RGS7: variants seen among roughly 807,000 people sequenced by gnomAD.
RGS7 encodes regulator of G protein signaling 7.
A neutral mutation model predicts 81.1 loss-of-function variants in RGS7; 27 were observed. The ratio of observed to expected loss-of-function variants is 0.33; its 90% CI spans 0.25 to 0.46. RGS7 has a LOEUF of 0.46. Ranked by LOEUF, RGS7 falls within the 20% of genes least tolerant of loss-of-function variation. The pLI is 1.00. For synonymous variants in RGS7, 208 were observed against 207.7 expected (o/e 1.00, Z -0.01); for missense variants, 396 against 607.4 (o/e 0.65, Z 3.66).
chr1:241,293,307 C>T (rs144680963), intron 2 of RGS7, among the ~76,000 whole-genome samples: 32 of 152,198 alleles, frequency 2.1e-4, no homozygotes, highest in Admixed American at 1.6e-3. Context: ...GACTATGTTA[C>T]TGGTTTATGT....
intron 5 of RGS7, among the ~76,000 whole-genome samples, chr1:240,933,409 C>A (rs1310218095): frequency 1.3e-5 from 2 of 151,990 alleles, no homozygotes; most frequent in East Asian, 3.8e-4. Flanking sequence ...CCATCATTTA[C>A]TTTAGTGAGA....
intron 2 of RGS7, among the ~76,000 whole-genome samples, chr1:241,340,318 T>G (rs1449162466): frequency 6.6e-6 from 1 of 152,178 alleles, no homozygotes; most frequent in Non-Finnish European, 1.5e-5. Context: ...TACATCTCTC[T>G]TCTTACCCTC....
At chr1:241,017,573 CCAGA>C (rs1309160572) in intron 3 of RGS7, among the ~76,000 whole-genome samples, 1 of 148,988 alleles carries the variant, frequency 6.7e-6, no homozygotes, top group Non-Finnish European at 1.5e-5. Context: ...AACATGTTAG[CCAGA>C]CATAGAATTA....
intron 9 of RGS7, among the ~76,000 whole-genome samples, chr1:240,853,887 C>A (rs1438244624): frequency 2.1e-5 from 2 of 94,254 alleles, no homozygotes; most frequent in African/African-American, 8.5e-5. Context: ...GGCGACAGAG[C>A]AAGACTCCGT....
chr1:241,023,807 G>A (rs763939685), intron 3 of RGS7, among the ~76,000 whole-genome samples: 19 of 152,146 alleles, frequency 1.2e-4, no homozygotes, highest in Admixed American at 2.6e-4. Context: ...GTGCAATGGC[G>A]CGATCTTGGC....
chr1:240,885,251 ACAGATGCTGGCGAGGTTG>A (rs1321849206), intron 6 of RGS7, among the ~76,000 whole-genome samples: 1 of 152,100 alleles, frequency 6.6e-6, no homozygotes, highest in Admixed American at 6.5e-5. Context: ...TCAAAAAACA[ACAGATGCTGGCGAGGTTG>A]CAGAGAAAAG....
intron 2 of RGS7, among the ~76,000 whole-genome samples, chr1:241,320,238 G>T (rs1158668717): frequency 6.6e-6 from 1 of 152,124 alleles, no homozygotes; most frequent in Non-Finnish European, 1.5e-5. Context: ...TGATATATTA[G>T]GCCCCTTGCT....
chr1:241,289,801 G>T (rs887880183), intron 2 of RGS7, among the ~76,000 whole-genome samples: 2 of 152,108 alleles, frequency 1.3e-5, no homozygotes, highest in South Asian at 4.1e-4. Context: ...GTGGGAAGTG[G>T]TACGAGGGAA....
chr1:240,965,004 C>A (rs1473545182), intron 4 of RGS7, among the ~76,000 whole-genome samples: 2 of 152,118 alleles, frequency 1.3e-5, no homozygotes, highest in Non-Finnish European at 1.5e-5. Flanking sequence ...TTATCAGATA[C>A]GTTGATGGTG....
chr1:240,796,473 G>A (rs894232807), intron 18 of RGS7, among the ~76,000 whole-genome samples: 3 of 152,066 alleles, frequency 2.0e-5, no homozygotes, highest in African/African-American at 7.2e-5. Flanking sequence ...ATCACTTGAG[G>A]TCAGGAGTCC....
chr1:240,932,949 T>TA (rs1487749551), intron 5 of RGS7, among the ~76,000 whole-genome samples: 4 of 134,978 alleles, frequency 3.0e-5, no homozygotes, highest in African/African-American at 1.1e-4. Context: ...AGTGGCGCGA[T>TA]CTCGGCTCAC....
intron 2 of RGS7, among the ~76,000 whole-genome samples, chr1:241,141,072 C>T (rs922665699): frequency 6.6e-6 from 1 of 152,178 alleles, no homozygotes; most frequent in Admixed American, 6.5e-5. Flanking sequence ...ATCTGAGCAG[C>T]TCTCCCTAAC....
At chr1:241,301,512 T>C (rs1000791554) in intron 2 of RGS7, among the ~76,000 whole-genome samples, 1 of 152,206 alleles carries the variant, frequency 6.6e-6, no homozygotes, top group African/African-American at 2.4e-5. Flanking sequence ...GAGGTCAAGA[T>C]GAACTGGTAG....
At chr1:241,281,962 T>A (rs1299626236) in intron 2 of RGS7, among the ~76,000 whole-genome samples, 1 of 152,190 alleles carries the variant, frequency 6.6e-6, no homozygotes, top group African/African-American at 2.4e-5. Context: ...CTATTAGTAG[T>A]TAAGTTTTGT....
At chr1:241,192,252 C>CATGTGTGTGTGTGTGTGT (rs1491204174) in intron 2 of RGS7, among the ~76,000 whole-genome samples, 2 of 124,676 alleles carry the variant, frequency 1.6e-5, no homozygotes, top group African/African-American at 6.4e-5. Flanking sequence ...TCTGTCTGCA[C>CATGTGTGTGTGTGTGTGT]GTGTGTGTGT....
intron 2 of RGS7, among the ~76,000 whole-genome samples, chr1:241,221,178 AAGAAAGAG>A (rs1362289516): frequency 1.4e-5 from 2 of 146,116 alleles, no homozygotes; most frequent in African/African-American, 2.4e-5. Flanking sequence ...AAGGGGAAAA[AAGAAAGAG>A]AGAAAGAAAG....
rs375050109 is a variant in RGS7 at position 240,868,714 on chromosome 1, G to A, written c.528-46C>T. On this transcript the variant is annotated intron_variant, in intron 8 of 18. Coordinates refer to ENST00000440928, the MANE Select transcript of RGS7 (RefSeq NM_001364886.1). This position sits in a 1 kb window ranked among gnomAD's most constrained non-coding sequence, Gnocchi z 5.1. ...GATAACATTTAGTATTAATTGTAGT[G>A]CCTCTCTGAACAAAAAGGCCACAAC... The A allele has an allele frequency of 3.1e-6, 5 of 1,606,680 alleles. No homozygotes were observed. The highest frequency in any genetic ancestry group is 2.2e-5 in the East Asian group (1 of 44,836).
In RGS7 at chr1:241,165,636, A is replaced by G. The variant is rs867555929; in HGVS notation, c.79-66874T>C. On this transcript the variant is annotated intron_variant, in intron 2 of 18. Coordinates refer to ENST00000440928, the MANE Select transcript of RGS7 (RefSeq NM_001364886.1). ...CACACTCTGGCGATTGTTGTGGGGT[A>G]GGGGGAGGGGGGAGGGATAGCATTG... Among the ~76,000 whole-genome samples the G allele has an allele frequency of 6.9e-3, 498 of 72,042 alleles. 1 individual carries two copies. Among genetic ancestry groups the G allele is most frequent in the African/African-American group, 0.025 (446 of 17,916 alleles). 47.3% of individuals were successfully genotyped at this position (72,042 alleles called of 152,430 possible). A position where few individuals can be genotyped will look rare whatever the true frequency, so the allele number is the denominator to read the frequency against.
chr1:240,827,589 G>A (rs530064435), intron 9 of RGS7, among the ~76,000 whole-genome samples: 2 of 152,174 alleles, frequency 1.3e-5, no homozygotes, highest in Non-Finnish European at 2.9e-5. Context: ...TGGGCCGGGC[G>A]CAGTGACTCA....
Sources: gnomAD v4.1 joint callset for allele counts (sites outside exome capture counted in the v4.1 genomes callset) on GRCh38, gnomAD v4.1.1 for gene constraint, Gnocchi (gnomAD v3.1) non-coding constraint, MANE v1.5 for transcripts, NCBI Gene and HGNC (gene_info 2026-07-23, HGNC 2026-07-21) for gene names.